Variants in PLD1 observed in about 807,000 individuals in gnomAD.
PLD1 encodes phospholipase D1.
PLD1 carries 112 observed loss-of-function variants against 137.1 expected under a neutral mutation model. The ratio of observed to expected loss-of-function variants is 0.82; its 90% CI spans 0.70 to 0.96. The LOEUF is 0.96. Ranked by LOEUF, PLD1 falls within the 40% of genes least tolerant of loss-of-function variation. The pLI is 0.00. For missense variants in PLD1, 1,321 were observed against 1,342.0 expected (o/e 0.98, Z 0.24); for synonymous variants, 431 against 454.7 (o/e 0.95, Z 0.66).
intron 1 of PLD1, among the ~76,000 whole-genome samples, chr3:171,752,574 G>T (rs562116828): frequency 6.6e-6 from 1 of 152,286 alleles, no homozygotes; most frequent in Non-Finnish European, 1.5e-5. Context: ...CTTTCTCTGA[G>T]CCTGCACAGA....
At chr3:171,725,836 G>C (rs1718464399) in intron 7 of PLD1, among the ~76,000 whole-genome samples, 182 bp downstream of exon 7, 1 of 152,200 alleles carries the variant, frequency 6.6e-6, no homozygotes, top group African/African-American at 2.4e-5. Flanking sequence ...AGTTGCTACC[G>C]TTGTTTATCA....
At chr3:171,618,273 T>A (rs1200370820) in intron 24 of PLD1, among the ~76,000 whole-genome samples, 1 of 152,242 alleles carries the variant, frequency 6.6e-6, no homozygotes, top group Non-Finnish European at 1.5e-5. Context: ...GTTTAGAGAC[T>A]TTTCCAGAAA....
At chr3:171,741,731 G>A (rs868470842) in intron 1 of PLD1, among the ~76,000 whole-genome samples, 47 of 152,112 alleles carry the variant, frequency 3.1e-4, no homozygotes, top group African/African-American at 1.1e-3. Context: ...AATCTTTGCA[G>A]GGAAGATTTA....
intron 21 of PLD1, among the ~76,000 whole-genome samples, chr3:171,657,155 GAACAGCAAC>G (rs904089207): frequency 3.3e-5 from 5 of 152,082 alleles, no homozygotes; most frequent in African/African-American, 1.2e-4. Flanking sequence ...CTAAAAATGG[GAACAGCAAC>G]AACAGCAATA....
chr3:171,710,288 C>T (rs1173368458), intron 9 of PLD1, among the ~76,000 whole-genome samples: 12 of 152,072 alleles, frequency 7.9e-5, no homozygotes, highest in Non-Finnish European at 7.4e-5. Context: ...GTCTCGATCT[C>T]CTGACCTCGT....
intron 22 of PLD1, 42 bp downstream of exon 22, chr3:171,644,868 C>T: frequency 8.6e-7 from 1 of 1,157,344 alleles, no homozygotes; most frequent in Non-Finnish European, 1.3e-6. Context: ...TTACATGATG[C>T]ATGACCGAAA....
At chr3:171,685,996 A>G (rs1388995517) in intron 16 of PLD1, among the ~76,000 whole-genome samples, 1 of 151,968 alleles carries the variant, frequency 6.6e-6, no homozygotes, top group East Asian at 1.9e-4. Flanking sequence ...ATGCACGCCT[A>G]TAATCCCAGC....
Position 171,688,847 on chromosome 3 carries a change from G to A in PLD1, c.1368C>T (p.Ser456=). The A allele has an allele frequency of 6.2e-7, 1 of 1,613,904 alleles. No homozygotes were observed. Among genetic ancestry groups the A allele is most frequent in the Non-Finnish European group, 8.5e-7 (1 of 1,179,890 alleles). Residue 456 remains serine, a synonymous_variant, in exon 14 of 27, where the codon TCC becomes TCT. Coordinates refer to ENST00000351298, the MANE Select transcript of PLD1 (RefSeq NM_002662.5). ...CATGGTGAGCCCACAAATAGACGGT[G>A]GATGACACATGATCCGGGTGTCTCA... is the stretch of plus-strand genomic sequence containing the variant. ...KVMRHPDHVS[S]TVYLWAHHEK...
chr3:171,769,320 G>C (rs1477868529), intron 1 of PLD1, among the ~76,000 whole-genome samples: 1 of 152,148 alleles, frequency 6.6e-6, no homozygotes, highest in Admixed American at 6.5e-5. Flanking sequence ...ACCTTTATCT[G>C]TACCCATCAA....
At chr3:171,696,418 A>G (rs1715697849) in intron 12 of PLD1, among the ~76,000 whole-genome samples, 1 of 152,236 alleles carries the variant, frequency 6.6e-6, no homozygotes, top group African/African-American at 2.4e-5. Context: ...TTAATCAGAT[A>G]CATAAAATAT....
chr3:171,602,984 G>T lies in PLD1; in HGVS notation c.*94C>A. The T allele has an allele frequency of 2.3e-6, 2 of 880,178 alleles. No individual in the cohort carries two copies. The highest frequency in any genetic ancestry group is 1.8e-6 in the Non-Finnish European group (1 of 544,974). 54.5% of individuals were successfully genotyped at this position (880,178 alleles called of 1,614,324 possible). On this transcript the variant is annotated 3_prime_UTR_variant, in exon 27 of 27. Transcript: ENST00000351298. The stretch of plus-strand genomic sequence containing the variant: ...GTCCTTGGGTTGGATACGAGAATGC[G>T]TCAGGCCTGGCTTTGGCTATGACAT...
chr3:171,750,255 T>C (rs1720560371), intron 1 of PLD1, among the ~76,000 whole-genome samples: 1 of 152,122 alleles, frequency 6.6e-6, no homozygotes, highest in Admixed American at 6.6e-5. Flanking sequence ...ATTTGCAGGA[T>C]GGGCTTAACA....
intron 12 of PLD1, among the ~76,000 whole-genome samples, chr3:171,697,214 T>TATCAGAG (rs1184314328): frequency 2.7e-5 from 4 of 149,584 alleles, no homozygotes; most frequent in Non-Finnish European, 6.0e-5. Flanking sequence ...TTTCTTCCAC[T>TATCAGAG]ATCAGAGTCA....
chr3:171,671,239 T>C (rs143297609), intron 19 of PLD1, among the ~76,000 whole-genome samples: 83 of 152,338 alleles, frequency 5.4e-4, no homozygotes, highest in African/African-American at 2.0e-3. Flanking sequence ...ATTTTATATA[T>C]CCATTATCAT....
chr3:171,762,193 T>A (rs1721446269), intron 1 of PLD1, among the ~76,000 whole-genome samples: 1 of 152,172 alleles, frequency 6.6e-6, no homozygotes, highest in African/African-American at 2.4e-5. Flanking sequence ...AGTAACCAAG[T>A]GCAAGGGCTT....
At chr3:171,606,564 C>A (rs2108255714) in intron 25 of PLD1, among the ~76,000 whole-genome samples, 1 of 152,120 alleles carries the variant, frequency 6.6e-6, no homozygotes, top group African/African-American at 2.4e-5. Flanking sequence ...TGGAGAAAAG[C>A]CAGAGGATGT....
chr3:171,805,714 A>T (rs569309617), intron 1 of PLD1, among the ~76,000 whole-genome samples: 2 of 152,356 alleles, frequency 1.3e-5, no homozygotes, highest in Admixed American at 6.5e-5. Context: ...AAATGGAAAT[A>T]AAAAAACCTA....
intron 23 of PLD1, among the ~76,000 whole-genome samples, chr3:171,641,047 G>A (rs148162683): frequency 6.6e-6 from 1 of 152,282 alleles, no homozygotes; most frequent in Non-Finnish European, 1.5e-5. Context: ...GTGCCAGACA[G>A]GTCAAATAAT....
At chr3:171,689,969 G>A (rs996533603) in intron 13 of PLD1, among the ~76,000 whole-genome samples, 2 of 152,112 alleles carry the variant, frequency 1.3e-5, no homozygotes, top group Admixed American at 1.3e-4. Flanking sequence ...AAAGATTGGT[G>A]GTAATTCCTC....
Sources: gnomAD v4.1 joint callset for allele counts (sites outside exome capture counted in the v4.1 genomes callset) on GRCh38, gnomAD v4.1.1 for gene constraint, MANE v1.5 for transcripts, NCBI Gene and HGNC (gene_info 2026-07-23, HGNC 2026-07-21) for gene names.